Variants in MACF1 observed in about 807,000 individuals in gnomAD.
MACF1 encodes microtubule actin crosslinking factor 1.
A neutral mutation model predicts 854.8 loss-of-function variants in MACF1; 193 were observed. The ratio of observed to expected loss-of-function variants is 0.23; its 90% CI spans 0.20 to 0.25. The LOEUF is 0.25. Among genes scored for constraint, MACF1 ranks in the 10% least tolerant of loss-of-function variants. The probability of loss-of-function intolerance (pLI) is 1.00; values close to 1 mark genes in which losing one functional copy is unlikely to be tolerated. For synonymous variants in MACF1, 3,185 were observed against 3,226.7 expected (o/e 0.99, Z 0.44); for missense variants, 7,722 against 8,929.1 (o/e 0.86, Z 5.45).
intron 1 of MACF1, among the ~76,000 whole-genome samples, chr1:39,208,599 G>A (rs752459704): frequency 3.3e-5 from 5 of 151,944 alleles, no homozygotes; most frequent in African/African-American, 7.3e-5. Flanking sequence ...GACTACAGGC[G>A]CCTGCCACCA....
chr1:39,386,314 A>C (rs1641781393), intron 57 of MACF1, among the ~76,000 whole-genome samples: 1 of 151,102 alleles, frequency 6.6e-6, no homozygotes, highest in Non-Finnish European at 1.5e-5. Flanking sequence ...AGGCTGGAGT[A>C]CAGTAGTGCG....
chr1:39,312,526 AAATT>A (rs1646321008), intron 26 of MACF1, among the ~76,000 whole-genome samples: 1 of 152,190 alleles, frequency 6.6e-6, no homozygotes, highest in Non-Finnish European at 1.5e-5. Flanking sequence ...AAACATCAGG[AAATT>A]AACATTGATA....
intron 2 of MACF1, among the ~76,000 whole-genome samples, chr1:39,088,071 C>A (rs1641718199): frequency 6.6e-6 from 1 of 152,140 alleles, no homozygotes; most frequent in African/African-American, 2.4e-5. Flanking sequence ...CCCCTGGTTT[C>A]ACGCCATTCT....
intron 58 of MACF1, chr1:39,414,267 C>T: frequency 6.2e-7 from 1 of 1,614,064 alleles, no homozygotes; most frequent in Non-Finnish European, 8.5e-7. Context: ...AAGTTTCCCC[C>T]ATTGGTGTGC....
intron 93 of MACF1, 74 bp from the exon 94 acceptor site, chr1:39,463,538 T>TA: frequency 9.4e-7 from 1 of 1,063,868 alleles, no homozygotes; most frequent in Non-Finnish European, 1.4e-6. Flanking sequence ...TGTTAATGTA[T>TA]AAAAATCTTT....
At chr1:39,428,827 A>G (rs1177136963) in intron 63 of MACF1, among the ~76,000 whole-genome samples, 1 of 152,184 alleles carries the variant, frequency 6.6e-6, no homozygotes, top group Non-Finnish European at 1.5e-5. Flanking sequence ...TGCTTCGTCA[A>G]CTTTAAATAT....
At chr1:39,286,350 G>A (rs1406053407) in intron 14 of MACF1, among the ~76,000 whole-genome samples, 1 of 152,056 alleles carries the variant, frequency 6.6e-6, no homozygotes, top group African/African-American at 2.4e-5. Context: ...GCAGGGTTGG[G>A]ACACAACACA....
intron 21 of MACF1, 97 bp from the exon 22 acceptor site, chr1:39,300,113 C>A: frequency 8.2e-7 from 1 of 1,217,220 alleles, no homozygotes; most frequent in Non-Finnish European, 1.2e-6. Context: ...TGAGAGATGA[C>A]ATTCTCTGAG....
chr1:39,297,881 G>A (rs1645957414), intron 21 of MACF1, 136 bp downstream of exon 21: 1 of 976,458 alleles, frequency 1.0e-6, no homozygotes. Context: ...TTCAAATAGA[G>A]TTTAATCGAT....
At position 39,084,845 on chromosome 1, in the gene MACF1, TC is replaced by T; in HGVS notation, c.220+408del. Among the ~76,000 whole-genome samples, 1 of 152,358 alleles carries T rather than the reference TC, an allele frequency of 6.6e-6. No homozygotes were observed. Among genetic ancestry groups the T allele is most frequent in the East Asian group, 1.9e-4 (1 of 5,190 alleles). On this transcript the variant is annotated intron_variant, in intron 2 of 93. Coordinates refer to the MACF1 transcript ENST00000361689. This position sits in a 1 kb window ranked among gnomAD's most constrained non-coding sequence, Gnocchi z 5.2. ...CTAAAAGCTGTCTATTTCATGACTT[TC>T]TAAATCCTACTCTTTTTTCACTTTT...
intron 42 of MACF1, 45 bp from the exon 43 acceptor site, chr1:39,350,740 G>T: frequency 1.4e-6 from 2 of 1,398,330 alleles, no homozygotes; most frequent in Non-Finnish European, 2.0e-6. Context: ...GGACTTAGAA[G>T]CACTAAAGTC....
chr1:39,447,659 T>G (rs756399911), intron 81 of MACF1, 33 bp from the exon 82 acceptor site: 19 of 1,612,772 alleles, frequency 1.2e-5, no homozygotes, highest in Non-Finnish European at 1.4e-5. Flanking sequence ...TTATCTTATC[T>G]TAAGCTAAAA....
chr1:39,317,551 C>A, intron 29 of MACF1, 144 bp downstream of exon 29: 2 of 920,806 alleles, frequency 2.2e-6, no homozygotes, highest in South Asian at 1.8e-5. Context: ...AAATTCTGGA[C>A]AAGTAAGTGA....
chr1:39,367,546 C>A (rs1329231595), intron 49 of MACF1, among the ~76,000 whole-genome samples: 1 of 151,888 alleles, frequency 6.6e-6, no homozygotes, highest in African/African-American at 2.4e-5. Context: ...GTGTGTTTAC[C>A]CCCATTTTAT....
rs953754793 is a variant in MACF1 at position 39,105,437 on chromosome 1, G to T, written c.220+20999G>T. 8 of 994,234 alleles carry T rather than the reference G, an allele frequency of 8.0e-6. No homozygotes were observed. Among genetic ancestry groups the T allele is most frequent in the Non-Finnish European group, 9.6e-6 (8 of 837,304 alleles). The allele number at this position is 994,234 out of a possible 1,614,324, so 61.6% of individuals were successfully genotyped here. A position where few individuals can be genotyped will look rare whatever the true frequency, so the allele number is the denominator to read the frequency against. On this transcript the variant is annotated intron_variant, in intron 2 of 93. Transcript: ENST00000361689. This position sits in a 1 kb window ranked among gnomAD's most constrained non-coding sequence, Gnocchi z 5.9. ...GACCGGCGGAGCGCGAGCGGGCCGGGTGCGAGCGGACTGAGGAGCGGAGCG... is the reference window on the plus strand; with the variant it reads ...GACCGGCGGAGCGCGAGCGGGCCGGTTGCGAGCGGACTGAGGAGCGGAGCG...
Position 39,305,577 on chromosome 1 carries a change from G to A in MACF1, c.2789+2499G>A, listed in dbSNP as rs1019275971. 5.7e-4 allele frequency among the ~76,000 whole-genome samples: 87 copies of A among 152,208 alleles called. 2 individuals carry two copies. Among genetic ancestry groups the A allele is most frequent in the African/African-American group, 2.0e-3 (85 of 41,528 alleles). Reference sequence around the variant, plus strand: ...ACACATATATGCAAACACTTCTTCCGTTTTCCAAATGTGGTTATGTCACAG... The same window carrying A: ...ACACATATATGCAAACACTTCTTCCATTTTCCAAATGTGGTTATGTCACAG... On this transcript the variant is annotated intron_variant, in intron 23 of 100. Transcript: ENST00000564288.
rs1452542483 is a variant in MACF1, at chr1:39,432,639, G to A, written c.17442G>A (p.Gln5814=). ...TGGAACAGGACCAGACCACAGCTCA[G>A]CTTCAGGTACAGAAGGTACGTGCCC... ...IRLEQDQTTA[Q]LQVQKAFSID... is the part of the protein sequence containing the mutation. Residue 5814 remains glutamine (Q), a synonymous_variant, in exon 67 of 101, where the codon CAG becomes CAA. Coordinates refer to ENST00000564288, the MANE Select transcript of MACF1 (RefSeq NM_001394062.1). The A allele has an allele frequency of 6.2e-7, 1 of 1,613,934 alleles. No homozygotes were observed. The highest frequency in any genetic ancestry group is 1.7e-5 in the Admixed American group (1 of 59,978).
chr1:39,404,783 C>G (rs1045527690), intron 58 of MACF1, among the ~76,000 whole-genome samples: 1 of 152,164 alleles, frequency 6.6e-6, no homozygotes. Context: ...TTGAGCCCAG[C>G]CAGAATTTGC....
At chr1:39,301,158 G>T (rs57857317) in intron 22 of MACF1, among the ~76,000 whole-genome samples, 1 of 151,562 alleles carries the variant, frequency 6.6e-6, no homozygotes, top group Non-Finnish European at 1.5e-5. Flanking sequence ...ATGAAGTCTC[G>T]CCCTGTCGCC....
Sources: gnomAD v4.1 joint callset for allele counts (sites outside exome capture counted in the v4.1 genomes callset) on GRCh38, gnomAD v4.1.1 for gene constraint, Gnocchi (gnomAD v3.1) non-coding constraint, MANE v1.5 for transcripts, NCBI Gene and HGNC (gene_info 2026-07-23, HGNC 2026-07-21) for gene names.